Variants in HELQ observed in about 807,000 individuals in gnomAD.
HELQ encodes the protein helicase POLQ-like.
A neutral mutation model predicts 111.6 loss-of-function variants in HELQ; 77 were observed. The observed-to-expected ratio is 0.69, with a 90% CI of 0.57 to 0.83. The LOEUF is 0.83. Among genes scored for constraint, HELQ ranks in the 40% least tolerant of loss-of-function variants. HELQ has a pLI of 0.00. For synonymous variants in HELQ, 438 were observed against 454.7 expected, an observed-to-expected ratio of 0.96 and a Z score of 0.47; for missense variants, 1,200 against 1,288.5, an observed-to-expected ratio of 0.93 and a Z score of 1.05.
At chr4:83,444,814 G>C (rs1262849950) in intron 5 of HELQ, among the ~76,000 whole-genome samples, 1 of 152,138 alleles carries the variant, frequency 6.6e-6, no homozygotes, top group Admixed American at 6.6e-5. Context: ...AAGAAATTAG[G>C]GATTTATGCA....
At chr4:83,408,240 C>T (rs942727875) in intron 17 of HELQ, among the ~76,000 whole-genome samples, 14 of 151,966 alleles carry the variant, frequency 9.2e-5, no homozygotes, top group African/African-American at 3.1e-4. Context: ...GAATAAATTC[C>T]GCTCCCCCCC....
chr4:83,425,511 C>A (rs186277366), intron 14 of HELQ, among the ~76,000 whole-genome samples: 1 of 152,214 alleles, frequency 6.6e-6, no homozygotes. Context: ...AATTTTAAAA[C>A]ACCAAAATAT....
In HELQ at chr4:83,432,971, G is replaced by A. The variant is rs189779819; in HGVS notation, c.2049-704C>T. Among the ~76,000 whole-genome samples, 309 of 151,896 alleles carry A rather than the reference G, an allele frequency of 2.0e-3. 2 individuals are homozygous for A. Among genetic ancestry groups the A allele is most frequent in the South Asian group, 0.014 (65 of 4,808 alleles). ...GATACTTGGGAGGCTAAGGTGGGAG[G>A]ATCACTTGAGCCTAGGAGGTTGAGG... On this transcript the variant is annotated intron_variant, in intron 9 of 17. Transcript: ENST00000295488.
At chr4:83,451,576 A>G (rs935068456) in intron 2 of HELQ, among the ~76,000 whole-genome samples, 2 of 152,098 alleles carry the variant, frequency 1.3e-5, no homozygotes, top group Middle Eastern at 3.2e-3. Context: ...TGATGCAGGA[A>G]AATGGCGCGA....
chr4:83,446,141 A>G, intron 4 of HELQ, 55 bp from the exon 5 acceptor site: 1 of 1,143,232 alleles, frequency 8.7e-7, no homozygotes, highest in South Asian at 1.3e-5. Flanking sequence ...TAGTGCTCAT[A>G]TAAAACATGC....
At position 83,453,531 on chromosome 4, in the gene HELQ, T is replaced by A. The variant is rs1259385748; in HGVS notation, c.712A>T (p.Asn238Tyr). 2 of 1,613,856 alleles carry A rather than the reference T, an allele frequency of 1.2e-6. No individual in the cohort carries two copies. Among genetic ancestry groups the A allele is most frequent in the South Asian group, 2.2e-5 (2 of 90,986 alleles). ...HNTVNEELPH[N>Y]CIEQPQQNDE... ...TTTTGCTGGGGTTGCTCTATGCAAT[T>A]ATGGGGCAGTTCCTCATTCACAGTG... The change falls in exon 2 of 18, where the codon AAT becomes TAT. Residue 238 changes from asparagine (N) to tyrosine (Y), a missense_variant. By Grantham distance (143) the Asn-to-Tyr change is moderately radical (BLOSUM62 -2). Around this residue, in one of 3 missense-constraint regions of HELQ, gnomAD observed 610 missense variants for 607.1 expected, o/e 1.00. Coordinates refer to ENST00000295488, the MANE Select transcript of HELQ (RefSeq NM_133636.5).
At chr4:83,422,077 G>C (rs747480284) in intron 14 of HELQ, among the ~76,000 whole-genome samples, 1 of 151,656 alleles carries the variant, frequency 6.6e-6, no homozygotes, top group South Asian at 2.1e-4. Flanking sequence ...AACAAAAAAC[G>C]TGGCCGGGTG....
In HELQ at chr4:83,439,286, T is replaced by C. The variant is rs538737546; in HGVS notation, c.1808+577A>G. Among the ~76,000 whole-genome samples, 475 of 151,356 alleles carry C rather than the reference T, an allele frequency of 3.1e-3. 6 individuals are homozygous for C. Among genetic ancestry groups the C allele is most frequent in the African/African-American group, 0.011 (446 of 41,096 alleles). ...TTCACTATGTTGGCCAGGCTGGTCT[T>C]GAACTCCTGACCTCATGATCCGCAC... On this transcript the variant is annotated intron_variant, in intron 8 of 17. Coordinates refer to ENST00000295488, the MANE Select transcript of HELQ (RefSeq NM_133636.5).
In HELQ at chr4:83,441,398, C is replaced by T; in HGVS notation, c.1569G>A (p.Glu523=). Residue 523 remains glutamate, a synonymous_variant, in exon 7 of 18, where the codon GAG becomes GAA. Transcript: ENST00000295488. Reference sequence around the variant, plus strand: ...CATTTATTTTCAGATATTCTTTTAACTCAACCTTGAATTAAAAGGACATTT... The same window carrying T: ...CATTTATTTTCAGATATTCTTTTAATTCAACCTTGAATTAAAAGGACATTT... The part of the protein sequence containing the change: ...EYYTSQFRPV[E]LKEYLKINDT... The T allele has an allele frequency of 1.4e-6, 2 of 1,459,320 alleles. No homozygotes were observed. The highest frequency in any genetic ancestry group is 1.9e-6 in the Non-Finnish European group (2 of 1,047,944). 90.4% of individuals were successfully genotyped at this position (1,459,320 alleles called of 1,614,324 possible). A position where few individuals can be genotyped will look rare whatever the true frequency, so the allele number is the denominator to read the frequency against.
intron 9 of HELQ, among the ~76,000 whole-genome samples, chr4:83,433,966 C>T (rs1429678892): frequency 3.1e-5 from 4 of 129,880 alleles, no homozygotes; most frequent in South Asian, 4.6e-4. Context: ...GGAGACAAAG[C>T]GAGACTCTGT....
At chr4:83,444,074 G>A (rs1269950045) in intron 5 of HELQ, among the ~76,000 whole-genome samples, 1 of 152,070 alleles carries the variant, frequency 6.6e-6, no homozygotes, top group African/African-American at 2.4e-5. Flanking sequence ...TATATTACCA[G>A]AGTATTAATC....
In HELQ at chr4:83,425,152, C is replaced by T. The variant is rs188895604; in HGVS notation, c.2775+842G>A. ...AAAATTAGCTAGGCGTGGTGGCAGG[C>T]GCCTGTAATCCCAGTGACTCAGGAG... On this transcript the variant is annotated intron_variant, in intron 14 of 17. Transcript: ENST00000295488. Among the ~76,000 whole-genome samples, 768 of 151,608 alleles carry T rather than the reference C, an allele frequency of 5.1e-3. 4 individuals are homozygous for T. The highest frequency in any genetic ancestry group is 0.031 in the Middle Eastern group (9 of 294).
intron 5 of HELQ, among the ~76,000 whole-genome samples, chr4:83,444,756 A>G (rs991586437): frequency 2.0e-5 from 3 of 152,372 alleles, no homozygotes; most frequent in East Asian, 1.9e-4. Context: ...AGGATAGACT[A>G]CAAAGCTGAA....
Position 83,446,991 on chromosome 4 carries a change from A to G in HELQ, c.1236T>C (p.Val412=). 1 of 1,613,788 alleles carries G rather than the reference A, an allele frequency of 6.2e-7. No individual in the cohort carries two copies. The highest frequency in any genetic ancestry group is 8.5e-7 in the Non-Finnish European group (1 of 1,179,690). ...SSFGIELGFF[V]EEYAGSKGRF... ...TTCCTTTGCTTCCAGCATATTCTTCAACAAAGAAACCGAGTTCTATACCAA... is the reference window on the plus strand; with the variant it reads ...TTCCTTTGCTTCCAGCATATTCTTCGACAAAGAAACCGAGTTCTATACCAA... Residue 412 remains valine (V), a synonymous_variant, in exon 4 of 18, where the codon GTT becomes GTC. Coordinates refer to ENST00000295488, the MANE Select transcript of HELQ (RefSeq NM_133636.5).
rs1428125054 is a variant in HELQ at position 83,429,526 on chromosome 4, T to G, written c.2516A>C (p.Lys839Thr). ...ATAAGATTTAGGTAAACTCTTACCC[T>G]TAAATGAAGCACGTCCCAACTTTGT... ...HITKLGRASF[K>T]GTIDLAYCDI... The change falls in exon 12 of 18, where the codon AAG (lysine) becomes ACG (threonine). Residue 839 changes from lysine to threonine, a missense_variant and splice_region_variant. By Grantham distance (78) the Lys-to-Thr change is moderately conservative. Transcript: ENST00000295488. 2 of 1,580,048 alleles carry G rather than the reference T, an allele frequency of 1.3e-6. No homozygotes were observed. The highest frequency in any genetic ancestry group is 1.7e-6 in the Non-Finnish European group (2 of 1,153,366).
At chr4:83,428,102 G>A (rs948073801) in intron 12 of HELQ, among the ~76,000 whole-genome samples, 2 of 152,124 alleles carry the variant, frequency 1.3e-5, no homozygotes, top group Non-Finnish European at 2.9e-5. Flanking sequence ...AAAGAAAAAT[G>A]AGATAGATTT....
intron 1 of HELQ, 88 bp downstream of exon 1, chr4:83,455,309 A>C (rs1455769862): frequency 6.5e-7 from 1 of 1,548,818 alleles, no homozygotes. Context: ...AGACGAGAGA[A>C]GTAAACGAAG....
chr4:83,435,070 A>T (rs1352794516), intron 9 of HELQ, among the ~76,000 whole-genome samples: 1 of 152,222 alleles, frequency 6.6e-6, no homozygotes, highest in Non-Finnish European at 1.5e-5. Context: ...ACTGGCTTTA[A>T]AACTCATTTG....
Position 83,446,815 on chromosome 4 carries a change from T to G in HELQ, c.1392+20A>C. On this transcript the variant is annotated intron_variant, in intron 4 of 17. Coordinates refer to ENST00000295488, the MANE Select transcript of HELQ (RefSeq NM_133636.5). ...TTAGTATAATAAAAATATTGACAAA[T>G]TACAAAAGTATTAACCAACCTCGTC... 1 of 1,485,738 alleles carries G rather than the reference T, an allele frequency of 6.7e-7. No homozygotes were observed. The highest frequency in any genetic ancestry group is 1.2e-5 in the South Asian group (1 of 84,062). 92.0% of individuals were successfully genotyped at this position (1,485,738 alleles called of 1,614,324 possible).
Sources: gnomAD v4.1 joint callset for allele counts (sites outside exome capture counted in the v4.1 genomes callset) on GRCh38, gnomAD v4.1.1 for gene constraint, gnomAD v4.1.1 regional missense constraint, MANE v1.5 for transcripts, NCBI Gene and HGNC (gene_info 2026-07-23, HGNC 2026-07-21) for gene names.